FHIT: variants seen among roughly 807,000 people sequenced by gnomAD.
FHIT encodes the protein fragile histidine triad diadenosine triphosphatase, also known as bis(5'-adenosyl)-triphosphatase.
FHIT carries 19 observed loss-of-function variants against 17.9 expected under a neutral mutation model. The ratio of observed to expected loss-of-function variants is 1.06; its 90% CI spans 0.74 to 1.56. FHIT has a LOEUF of 1.56. Ranked by LOEUF, FHIT falls within the 40% of genes most tolerant of loss-of-function variation. The pLI is 0.00. For missense variants in FHIT, 248 were observed against 189.2 expected (o/e 1.31, Z -1.82); for synonymous variants, 81 against 69.7 (o/e 1.16, Z -0.81).
At chr3:60,403,784 A>T (rs1701751574) in intron 5 of FHIT, among the ~76,000 whole-genome samples, 1 of 152,184 alleles carries the variant, frequency 6.6e-6, no homozygotes, top group African/African-American at 2.4e-5. Flanking sequence ...TGTTGAGCCC[A>T]AGTACAAAAT....
Position 59,762,196 on chromosome 3 carries a change from G to A in FHIT, c.349-9875C>T, listed in dbSNP as rs540000024. On this transcript the variant is annotated intron_variant, in intron 8 of 9. Coordinates refer to ENST00000492590, the MANE Select transcript of FHIT (RefSeq NM_002012.4). Reference sequence around the variant, plus strand: ...CCTGGCCAGGACAGAGTGGGACGGCGTGCAATTTTGTCACACTGCTCAGAA... The same window carrying A: ...CCTGGCCAGGACAGAGTGGGACGGCATGCAATTTTGTCACACTGCTCAGAA... Among the ~76,000 whole-genome samples the A allele has an allele frequency of 1.3e-4, 20 of 152,246 alleles. 1 individual carries two copies. The South Asian group carries it at 2.5e-3, about 19-fold the overall frequency.
intron 4 of FHIT, among the ~76,000 whole-genome samples, chr3:60,683,701 T>G (rs2040802505): frequency 6.6e-6 from 1 of 152,170 alleles, no homozygotes; most frequent in Non-Finnish European, 1.5e-5. Flanking sequence ...ATGCCTGCAT[T>G]TTAAGTCTCA....
intron 2 of FHIT, among the ~76,000 whole-genome samples, chr3:61,090,930 C>G (rs758131198): frequency 6.6e-6 from 1 of 152,162 alleles, no homozygotes; most frequent in Non-Finnish European, 1.5e-5. Flanking sequence ...GCTGTTTATG[C>G]TTTCTCCTGC....
intron 3 of FHIT, among the ~76,000 whole-genome samples, chr3:60,907,766 T>A (rs1343257328): frequency 2.0e-5 from 3 of 152,296 alleles, no homozygotes; most frequent in Admixed American, 6.5e-5. Context: ...GGATAGACTG[T>A]ACAAAAATTA....
rs201070172 is a variant in FHIT, at chr3:59,937,989, C to T, written c.280-15575G>A. Among the ~76,000 whole-genome samples the T allele has an allele frequency of 2.0e-5, 3 of 152,128 alleles. No homozygotes were observed. The East Asian group carries it at 5.8e-4, about 29-fold the overall frequency. On this transcript the variant is annotated intron_variant, in intron 7 of 9. Transcript: ENST00000492590. ...TCCTCTTCCAGCATGGGGCAAATCTCAACCTACAGGGCTGCCAAGTGGAGC... is the reference window on the plus strand; with the variant it reads ...TCCTCTTCCAGCATGGGGCAAATCTTAACCTACAGGGCTGCCAAGTGGAGC...
At chr3:61,098,185 G>A (rs1480222078) in intron 2 of FHIT, among the ~76,000 whole-genome samples, 1 of 152,170 alleles carries the variant, frequency 6.6e-6, no homozygotes, top group African/African-American at 2.4e-5. Flanking sequence ...GCTTAACCCA[G>A]TACCATTTAT....
At chr3:60,418,301 A>T (rs1357945900) in intron 5 of FHIT, among the ~76,000 whole-genome samples, 1 of 148,992 alleles carries the variant, frequency 6.7e-6, no homozygotes, top group Non-Finnish European at 1.5e-5. Flanking sequence ...TTAATTTTAC[A>T]TAATTATGTC....
chr3:61,174,012 T>A (rs1168371970), intron 2 of FHIT, among the ~76,000 whole-genome samples: 1 of 152,236 alleles, frequency 6.6e-6, no homozygotes, highest in Non-Finnish European at 1.5e-5. Flanking sequence ...CCTGCAGTAA[T>A]TGGGAACTTA....
At chr3:60,892,555 C>A (rs903380764) in intron 3 of FHIT, among the ~76,000 whole-genome samples, 19 of 152,168 alleles carry the variant, frequency 1.2e-4, no homozygotes, top group Non-Finnish European at 2.4e-4. Context: ...TGCTCAGCAC[C>A]TTCTTAGGAC....
At chr3:60,323,242 T>C (rs1481547760) in intron 5 of FHIT, among the ~76,000 whole-genome samples, 1 of 152,122 alleles carries the variant, frequency 6.6e-6, no homozygotes, top group Non-Finnish European at 1.5e-5. Context: ...ATTCATGAAA[T>C]ACGTAGTCAG....
chr3:59,802,530 C>G (rs1215956449), intron 8 of FHIT, among the ~76,000 whole-genome samples: 1 of 152,136 alleles, frequency 6.6e-6, no homozygotes, highest in Non-Finnish European at 1.5e-5. Flanking sequence ...CACTGAGCAC[C>G]TTGTGACCCC....
chr3:60,752,184 T>C (rs1172460938), intron 4 of FHIT, among the ~76,000 whole-genome samples: 1 of 152,060 alleles, frequency 6.6e-6, no homozygotes, highest in South Asian at 2.1e-4. Flanking sequence ...AAGGCACATA[T>C]CAGTAATCAG....
intron 5 of FHIT, among the ~76,000 whole-genome samples, chr3:60,369,127 C>A (rs115126166): frequency 6.6e-6 from 1 of 150,866 alleles, no homozygotes; most frequent in Admixed American, 6.6e-5. Flanking sequence ...TGTGCACCAA[C>A]ACGCCTTGCT....
At chr3:60,229,911 C>T (rs957750173) in intron 5 of FHIT, among the ~76,000 whole-genome samples, 3 of 152,094 alleles carry the variant, frequency 2.0e-5, no homozygotes, top group Non-Finnish European at 4.4e-5. Flanking sequence ...GAGCCCAAGA[C>T]TTTGAGGCTG....
At chr3:60,333,891 C>G (rs976205560) in intron 5 of FHIT, among the ~76,000 whole-genome samples, 1 of 152,164 alleles carries the variant, frequency 6.6e-6, no homozygotes, top group Non-Finnish European at 1.5e-5. Context: ...TCATGATTGC[C>G]TAACAGACCA....
At chr3:60,279,359 A>G (rs1707318722) in intron 5 of FHIT, among the ~76,000 whole-genome samples, 1 of 152,192 alleles carries the variant, frequency 6.6e-6, no homozygotes. Context: ...TAATCTGAAT[A>G]GGTCTATTCA....
chr3:59,904,760 A>G (rs1261511647), intron 8 of FHIT, among the ~76,000 whole-genome samples: 4 of 152,222 alleles, frequency 2.6e-5, no homozygotes, highest in African/African-American at 9.6e-5. Flanking sequence ...AACAGTTTTT[A>G]GCGAAGAGGG....
intron 3 of FHIT, among the ~76,000 whole-genome samples, chr3:60,866,041 G>A (rs992918762): frequency 1.3e-5 from 2 of 152,082 alleles, no homozygotes; most frequent in Admixed American, 6.6e-5. Flanking sequence ...TCAGATGGAG[G>A]CCCTGAATCA....
intron 3 of FHIT, among the ~76,000 whole-genome samples, chr3:60,873,138 GGAGAGAGAGAGA>G (rs71287128): frequency 6.8e-6 from 1 of 147,054 alleles, no homozygotes; most frequent in Non-Finnish European, 1.5e-5. Flanking sequence ...AGAGGGAGAG[GGAGAGAGAGAGA>G]GAGAGAGAGA....
Sources: gnomAD v4.1 joint callset for allele counts (sites outside exome capture counted in the v4.1 genomes callset) on GRCh38, gnomAD v4.1.1 for gene constraint, MANE v1.5 for transcripts, NCBI Gene and HGNC (gene_info 2026-07-23, HGNC 2026-07-21) for gene names.